The following LIMCH1 variants were observed in gnomAD, a reference collection of about 807,000 sequenced individuals.
LIMCH1 encodes LIM and calponin homology domains 1, also known as LIM and calponin homology domains-containing protein 1.
Under a neutral mutation model 176.5 loss-of-function variants are expected in LIMCH1, and 113 were observed. The observed-to-expected ratio is 0.64, with a 90% CI of 0.55 to 0.75. The LOEUF (loss-of-function observed/expected upper bound fraction) is 0.75. Among genes scored for constraint, LIMCH1 ranks in the 30% least tolerant of loss-of-function variants. The probability of loss-of-function intolerance (pLI) is 0.00; values close to 1 mark genes in which losing one functional copy is unlikely to be tolerated. For missense variants in LIMCH1, 1,674 were observed against 1,814.9 expected (o/e 0.92, Z 1.41); for synonymous variants, 619 against 645.9 (o/e 0.96, Z 0.63).
intron 7 of LIMCH1, among the ~76,000 whole-genome samples, chr4:41,625,955 G>A (rs2152843646): frequency 6.6e-6 from 1 of 152,152 alleles, no homozygotes; most frequent in Middle Eastern, 3.4e-3. Context: ...CCAAATTAGG[G>A]TATGAGAGCT....
intron 1 of LIMCH1, among the ~76,000 whole-genome samples, chr4:41,414,626 T>C (rs2059771145): frequency 6.6e-6 from 1 of 152,200 alleles, no homozygotes. Context: ...TTATGCATTA[T>C]GTCACTGTGT....
chr4:41,474,955 A>G (rs999972556), intron 1 of LIMCH1, among the ~76,000 whole-genome samples: 2 of 152,138 alleles, frequency 1.3e-5, no homozygotes, highest in African/African-American at 4.8e-5. Context: ...TGTGGTATAT[A>G]TACACAAAGG....
chr4:41,430,744 A>T (rs1242758915), intron 1 of LIMCH1, among the ~76,000 whole-genome samples: 1 of 152,228 alleles, frequency 6.6e-6, no homozygotes, highest in African/African-American at 2.4e-5. Context: ...TTGAATCTTT[A>T]TATGTGAAAG....
chr4:41,400,782 A>G (rs1361970554), intron 1 of LIMCH1, among the ~76,000 whole-genome samples: 1 of 152,222 alleles, frequency 6.6e-6, no homozygotes, highest in Non-Finnish European at 1.5e-5. Flanking sequence ...GAATATGAGA[A>G]AGTAGCCACA....
At chr4:41,607,057 C>A (rs920807200) in intron 4 of LIMCH1, among the ~76,000 whole-genome samples, 4 of 152,176 alleles carry the variant, frequency 2.6e-5, no homozygotes, top group Non-Finnish European at 5.9e-5. Flanking sequence ...CCTTGGCCTC[C>A]CAAAGTGCTG....
chr4:41,496,888 T>G (rs186164592), intron 2 of LIMCH1, among the ~76,000 whole-genome samples: 93 of 152,270 alleles, frequency 6.1e-4, no homozygotes, highest in African/African-American at 2.2e-3. Context: ...TAGATTAGAA[T>G]GCCTAAGACT....
intron 1 of LIMCH1, among the ~76,000 whole-genome samples, chr4:41,408,831 G>C (rs1238402089): frequency 6.6e-6 from 1 of 152,112 alleles, no homozygotes; most frequent in Non-Finnish European, 1.5e-5. Context: ...TTCCAAGAGG[G>C]GACAACTATT....
intron 1 of LIMCH1, among the ~76,000 whole-genome samples, chr4:41,450,485 T>C (rs2154146324): frequency 6.6e-6 from 1 of 152,112 alleles, no homozygotes. Flanking sequence ...TTAAAGAACA[T>C]TTAATTTAGC....
At chr4:41,438,554 A>G (rs1026402722) in intron 1 of LIMCH1, among the ~76,000 whole-genome samples, 1 of 151,674 alleles carries the variant, frequency 6.6e-6, no homozygotes, top group African/African-American at 2.4e-5. Flanking sequence ...GGCCAGGCTG[A>G]TCTTGAACTC....
intron 1 of LIMCH1, among the ~76,000 whole-genome samples, chr4:41,434,653 AT>A (rs893502989): frequency 1.3e-5 from 2 of 152,142 alleles, no homozygotes; most frequent in African/African-American, 4.8e-5. Context: ...AGTAGCTGGG[AT>A]TACAGGTGCC....
intron 1 of LIMCH1, among the ~76,000 whole-genome samples, chr4:41,563,673 C>T (rs1300446041): frequency 6.6e-6 from 1 of 152,098 alleles, no homozygotes; most frequent in Non-Finnish European, 1.5e-5. Context: ...CTCCCTCTAC[C>T]CATCCTGCAA....
chr4:41,463,064 T>TCATGAAC (rs11282769), intron 1 of LIMCH1, among the ~76,000 whole-genome samples: 74,561 of 151,240 alleles, frequency 0.49, 21,946 homozygotes, highest in African/African-American at 0.83. Flanking sequence ...AGCTCCAGGA[T>TCATGAAC]CACCCGAATA....
At chr4:41,389,589 G>C (rs931420774) in intron 1 of LIMCH1, 1 of 152,834 alleles carries the variant, frequency 6.5e-6, no homozygotes, top group Non-Finnish European at 1.5e-5. Flanking sequence ...TGCACAGCTC[G>C]TTAAGTACAG....
At chr4:41,441,460 T>C (rs2062695404) in intron 1 of LIMCH1, among the ~76,000 whole-genome samples, 1 of 152,162 alleles carries the variant, frequency 6.6e-6, no homozygotes, top group African/African-American at 2.4e-5. Context: ...TTTTTTCACT[T>C]TGGTAAAGAC....
intron 23 of LIMCH1, among the ~76,000 whole-genome samples, chr4:41,676,984 G>A (rs1420363646): frequency 2.0e-5 from 3 of 151,998 alleles, no homozygotes; most frequent in Non-Finnish European, 1.5e-5. Context: ...CCAACATGAC[G>A]AAACCCCGTC....
intron 1 of LIMCH1, among the ~76,000 whole-genome samples, chr4:41,494,144 A>G (rs2071592540): frequency 3.9e-5 from 6 of 152,148 alleles, no homozygotes; most frequent in Admixed American, 3.9e-4. Flanking sequence ...TTAAGGTAGT[A>G]AATAGAAAAA....
intron 1 of LIMCH1, among the ~76,000 whole-genome samples, chr4:41,435,344 C>A (rs2061977634): frequency 6.6e-6 from 1 of 152,180 alleles, no homozygotes; most frequent in Non-Finnish European, 1.5e-5. Flanking sequence ...CCTCTAGAAG[C>A]TGGAAAGGGC....
chr4:41,403,308 C>T (rs73232191), intron 1 of LIMCH1, among the ~76,000 whole-genome samples: 6,924 of 152,128 alleles, frequency 0.046, 223 homozygotes, highest in East Asian at 0.14. Context: ...ACGCCGGGCA[C>T]GGTGGTTCAC....
At position 41,620,593 on chromosome 4, in the gene LIMCH1, C is replaced by T; in HGVS notation, c.628C>T (p.Pro210Ser). ...AGACGGGGCTGTGGTGGCACCAGCT[C>T]CCAAGTCTGAAGAAAAAGATGCTGC... The part of the protein sequence containing the change: ...SSDGAVVAPA[P>S]KSEEKDAAEI... The change falls in exon 7 of 32, where the codon CCC becomes TCC. Residue 210 changes from proline (P) to serine (S), a missense_variant. This residue lies in a region of LIMCH1 where 655 missense variants were observed against 692.2 expected (regional missense o/e 0.95). Transcript: ENST00000503057. 1 of 1,536,078 alleles carries T rather than the reference C, an allele frequency of 6.5e-7. No homozygotes were observed.
Sources: gnomAD v4.1 joint callset for allele counts (sites outside exome capture counted in the v4.1 genomes callset) on GRCh38, gnomAD v4.1.1 for gene constraint, gnomAD v4.1.1 regional missense constraint, MANE v1.5 for transcripts, NCBI Gene and HGNC (gene_info 2026-07-23, HGNC 2026-07-21) for gene names.